TTC9: variants seen among roughly 807,000 people sequenced by gnomAD.
TTC9 encodes the protein tetratricopeptide repeat domain 9.
Under a neutral mutation model 22.9 loss-of-function variants are expected in TTC9, and 13 were observed. The observed-to-expected ratio is 0.57, with a 90% CI of 0.37 to 0.90. The LOEUF (loss-of-function observed/expected upper bound fraction) is 0.90. Ranked by LOEUF, TTC9 falls within the 40% of genes least tolerant of loss-of-function variation. The pLI is 0.01. For synonymous variants in TTC9, 148 were observed against 133.2 expected (o/e 1.11, Z -0.77); for missense variants, 280 against 291.8 (o/e 0.96, Z 0.29).
At chr14:70,670,343 A>G (rs1024317848) in intron 2 of TTC9, among the ~76,000 whole-genome samples, 1 of 152,220 alleles carries the variant, frequency 6.6e-6, no homozygotes, top group Non-Finnish European at 1.5e-5. Flanking sequence ...AACCTGGCAC[A>G]AGGTTGGCAT....
chr14:70,642,566 T>C (rs774655153), intron 1 of TTC9, 31 bp downstream of exon 1: 19 of 1,460,174 alleles, frequency 1.3e-5, no homozygotes, highest in Middle Eastern at 1.8e-4. Flanking sequence ...CGCGCCGCGG[T>C]CCCCGTTCTT....
At position 70,642,304 on chromosome 14, in the gene TTC9, G is replaced by C; in HGVS notation, c.175G>C (p.Glu59Gln). ...GGCCGAGCTCATCCGACGAGCGCAC[G>C]AGTTCAAAAGCCAAGGGGCGCAGTG... ...EPAELIRRAH[E>Q]FKSQGAQCYK... Residue 59 changes from glutamate to glutamine, a missense_variant, in exon 1 of 3, where the codon GAG becomes CAG. By Grantham distance (29) the Glu-to-Gln change is conservative. This residue lies in a region of TTC9 where 165 missense variants were observed against 145.4 expected (regional missense o/e 1.14). Transcript: ENST00000256367. 1 of 1,554,674 alleles carries C rather than the reference G, an allele frequency of 6.4e-7. No homozygotes were observed. The highest frequency in any genetic ancestry group is 8.7e-7 in the Non-Finnish European group (1 of 1,152,384).
chr14:70,642,449 C>A lies in TTC9; in HGVS notation c.320C>A (p.Ala107Asp). ...CGGGACTCGCGCCCGGCCTCCCCGG[C>A]TGGGGCCCTGAAGCCCGGCCGCCTC... ...RERDSRPASP[A>D]GALKPGRLSE... Residue 107 changes from alanine (A) to aspartate (D), a missense_variant, in exon 1 of 3, where the codon GCT becomes GAT. By Grantham distance (126) the Ala-to-Asp change is moderately radical. Around this residue, in one of 5 missense-constraint regions of TTC9, gnomAD observed 165 missense variants for 145.4 expected, o/e 1.14. Coordinates refer to ENST00000256367, the MANE Select transcript of TTC9 (RefSeq NM_015351.2). 6.4e-7 allele frequency: 1 copy of A among 1,559,466 alleles called. No homozygotes were observed. The highest frequency in any genetic ancestry group is 8.7e-7 in the Non-Finnish European group (1 of 1,153,524).
Position 70,651,428 on chromosome 14 carries a change from A to G in TTC9, c.406+8893A>G, listed in dbSNP as rs532970134. On this transcript the variant is annotated intron_variant, in intron 1 of 2. Transcript: ENST00000256367. ...TTTTAAAAATATTCCTGAAGAAAAC[A>G]TAACCTACAAACATAATTTTAATGC... is the stretch of plus-strand genomic sequence containing the variant. Among the ~76,000 whole-genome samples the G allele has an allele frequency of 1.2e-4, 19 of 152,358 alleles. No individual in the cohort carries two copies. In the South Asian group the frequency reaches 3.9e-3, roughly 32 times the overall value.
chr14:70,670,956 G>A (rs1886285384), intron 2 of TTC9, 120 bp from the exon 3 acceptor site: 1 of 850,550 alleles, frequency 1.2e-6, no homozygotes, highest in African/African-American at 1.7e-5. Context: ...AGGCAGAAGG[G>A]ACCTTGGTTG....
Position 70,642,181 on chromosome 14 carries a change from G to A in TTC9, c.52G>A (p.Ala18Thr). ...AGAKGNPSPP[A>T]AGEGQRPPPP... ...GGCCAAGGGGAACCCGAGCCCGCCCGCGGCCGGAGAGGGGCAGCGGCCACC... is the reference window on the plus strand; with the variant it reads ...GGCCAAGGGGAACCCGAGCCCGCCCACGGCCGGAGAGGGGCAGCGGCCACC... Residue 18 changes from alanine to threonine, a missense_variant, in exon 1 of 3, where the codon GCG (alanine) becomes ACG (threonine). Physicochemically the swap from Ala to Thr is moderately conservative, Grantham distance 58. Coordinates refer to ENST00000256367, the MANE Select transcript of TTC9 (RefSeq NM_015351.2). The A allele has an allele frequency of 8.3e-7, 1 of 1,210,244 alleles. No homozygotes were observed. 75.0% of individuals were successfully genotyped at this position (1,210,244 alleles called of 1,614,324 possible).
chr14:70,668,224 G>A (rs1886242397), intron 2 of TTC9, among the ~76,000 whole-genome samples: 1 of 152,166 alleles, frequency 6.6e-6, no homozygotes, highest in Admixed American at 6.5e-5. Flanking sequence ...TATTCCTTAG[G>A]ACATGTGTTA....
rs187571190 is a variant in TTC9, at chr14:70,664,448, G to A, written c.407-3116G>A. ...TCCCTTAAGAGTCCTGGCCTGGGCC[G>A]GGTGTAGTGGCTCACTCCTGTAATC... On this transcript the variant is annotated intron_variant, in intron 1 of 2. Coordinates refer to ENST00000256367, the MANE Select transcript of TTC9 (RefSeq NM_015351.2). Among the ~76,000 whole-genome samples the A allele has an allele frequency of 1.6e-3, 244 of 152,182 alleles. 1 individual carries two copies. Among genetic ancestry groups the A allele is most frequent in the Middle Eastern group, 3.4e-3 (1 of 292 alleles).
chr14:70,672,008 A>AAAAACAAATTAACAGGTAGTAGTTC lies in TTC9; in HGVS notation c.*854_*878dup, dbSNP rs2139653367. On this transcript the variant is annotated 3_prime_UTR_variant, in exon 3 of 3. Coordinates refer to ENST00000256367, the MANE Select transcript of TTC9 (RefSeq NM_015351.2). ...AACTGTGGACTGATTCAGTGTAAAT[A>AAAAACAAATTAACAGGTAGTAGTTC]AAAACAAATTAACAGGTAGTAGTTC... 6.6e-6 allele frequency: 1 copy of AAAAACAAATTAACAGGTAGTAGTTC among 152,374 alleles called. No homozygotes were observed. Among genetic ancestry groups the AAAAACAAATTAACAGGTAGTAGTTC allele is most frequent in the South Asian group, 2.1e-4 (1 of 4,828 alleles). 9.4% of individuals were successfully genotyped at this position (152,374 alleles called of 1,614,324 possible).
intron 1 of TTC9, among the ~76,000 whole-genome samples, chr14:70,654,926 T>C (rs771353038): frequency 6.6e-6 from 1 of 152,234 alleles, no homozygotes; most frequent in East Asian, 1.9e-4. Flanking sequence ...TTGCCTTTGA[T>C]TGGCTAAAAC....
At chr14:70,662,232 A>G (rs1481942516) in intron 1 of TTC9, among the ~76,000 whole-genome samples, 3 of 152,144 alleles carry the variant, frequency 2.0e-5, no homozygotes, top group Non-Finnish European at 4.4e-5. Flanking sequence ...GAATCCAAGT[A>G]TATCCACAGA....
rs1223124283 is a variant in TTC9, at chr14:70,672,957, G to GTATT, written c.*1803_*1806dup. The GTATT allele has an allele frequency of 6.6e-6, 1 of 152,192 alleles. No homozygotes were observed. The allele number at this position is 152,192 out of a possible 1,614,324, so 9.4% of individuals were successfully genotyped here. A position where few individuals can be genotyped will look rare whatever the true frequency, so the allele number is the denominator to read the frequency against. On this transcript the variant is annotated 3_prime_UTR_variant, in exon 3 of 3. Transcript: ENST00000256367. ...TAACCATTTGAGAACAGGACAATAT[G>GTATT]TATTAACCTGAAAAGTGTTCATGAT...
In TTC9 at chr14:70,642,019, G is replaced by A. The variant is rs1885817186; in HGVS notation, c.-111G>A. ...CGCGGGGTGTCACGGCCGCCACGAA[G>A]CCTGCGAGGCGCGGGGCCGGCGCCC... On this transcript the variant is annotated 5_prime_UTR_variant, in exon 1 of 3. Coordinates refer to ENST00000256367, the MANE Select transcript of TTC9 (RefSeq NM_015351.2). 8.2e-6 allele frequency: 6 copies of A among 727,922 alleles called. No homozygotes were observed. Among genetic ancestry groups the A allele is most frequent in the Non-Finnish European group, 1.0e-5 (6 of 590,912 alleles). The allele number at this position is 727,922 out of a possible 1,614,324, so 45.1% of individuals were successfully genotyped here.
At chr14:70,648,264 G>A (rs1290262897) in intron 1 of TTC9, among the ~76,000 whole-genome samples, 1 of 152,178 alleles carries the variant, frequency 6.6e-6, no homozygotes, top group Non-Finnish European at 1.5e-5. Context: ...AAGTAAATGG[G>A]GCTTGTAATA....
At chr14:70,657,759 A>G (rs1490079066) in intron 1 of TTC9, among the ~76,000 whole-genome samples, 1 of 152,106 alleles carries the variant, frequency 6.6e-6, no homozygotes, top group Non-Finnish European at 1.5e-5. Flanking sequence ...TGAGGTCAGG[A>G]GTTCAAGACC....
intron 1 of TTC9, among the ~76,000 whole-genome samples, chr14:70,667,084 C>T (rs892345798): frequency 1.3e-5 from 2 of 152,194 alleles, no homozygotes; most frequent in African/African-American, 2.4e-5. Flanking sequence ...CTGGTAGCCT[C>T]AGGCATTCCT....
chr14:70,658,299 C>T (rs1322395435), intron 1 of TTC9, among the ~76,000 whole-genome samples: 4 of 152,144 alleles, frequency 2.6e-5, no homozygotes, highest in Admixed American at 2.0e-4. Flanking sequence ...GGTCTTGCTG[C>T]CAGTTGGGCA....
At chr14:70,650,550 C>T (rs1340591854) in intron 1 of TTC9, among the ~76,000 whole-genome samples, 1 of 152,196 alleles carries the variant, frequency 6.6e-6, no homozygotes, top group Non-Finnish European at 1.5e-5. Flanking sequence ...GAAAAGGGAC[C>T]TGGACTGCAA....
intron 1 of TTC9, among the ~76,000 whole-genome samples, chr14:70,654,587 C>CAAAAAAAAAAAAAAAAAAA (rs61046584): frequency 3.7e-4 from 21 of 57,154 alleles, no homozygotes; most frequent in Admixed American, 6.0e-4. Flanking sequence ...GGCTCTGTCT[C>CAAAAAAAAAAAAAAAAAAA]AAAAAAAAAA....
Sources: allele counts gnomAD v4.1 joint callset (sites outside exome capture counted in the v4.1 genomes callset), GRCh38; gene constraint gnomAD v4.1.1; regional missense constraint gnomAD v4.1.1; transcripts MANE v1.5; gene names NCBI Gene and HGNC (gene_info 2026-07-23, HGNC 2026-07-21).